Variants in TMPRSS5 observed in about 807,000 individuals in gnomAD.
The protein encoded by TMPRSS5 is transmembrane serine protease 5.
TMPRSS5 carries 45 observed loss-of-function variants against 59.7 expected under a neutral mutation model. That is an observed-to-expected ratio of 0.75 (90% CI 0.59 to 0.97). The LOEUF (loss-of-function observed/expected upper bound fraction) is 0.97. Ranked by LOEUF, TMPRSS5 falls within the 50% of genes least tolerant of loss-of-function variation. TMPRSS5 has a pLI of 0.00. For synonymous variants in TMPRSS5, 225 were observed against 232.0 expected (o/e 0.97, Z 0.27); for missense variants, 585 against 596.7 (o/e 0.98, Z 0.20).
At chr11:113,691,020 G>C in intron 9 of TMPRSS5, 81 bp from the exon 10 acceptor site, 1 of 1,302,628 alleles carries the variant, frequency 7.7e-7, no homozygotes, top group Non-Finnish European at 1.1e-6. Context: ...ACCCAGGACT[G>C]GCAAGTCCTC....
At chr11:113,702,514 A>C (rs1953168835) in intron 1 of TMPRSS5, among the ~76,000 whole-genome samples, 1 of 152,230 alleles carries the variant, frequency 6.6e-6, no homozygotes, top group Non-Finnish European at 1.5e-5. Context: ...TTTTCTGAGG[A>C]GAAATTCCAG....
chr11:113,695,506 A>T, intron 6 of TMPRSS5, 63 bp from the exon 7 acceptor site: 3 of 1,554,050 alleles, frequency 1.9e-6, no homozygotes, highest in Non-Finnish European at 2.7e-6. Context: ...CACACATCCA[A>T]GGACGTGAAG....
chr11:113,699,201 TTGTCTGTCTG>T (rs1953019509), intron 3 of TMPRSS5, among the ~76,000 whole-genome samples, 174 bp from the exon 4 acceptor site: 1 of 63,852 alleles, frequency 1.6e-5, no homozygotes, highest in Non-Finnish European at 3.0e-5. Context: ...TGACTCTCCT[TTGTCTGTCTG>T]TCTCTCTCTC....
chr11:113,695,457 G>T lies in TMPRSS5; in HGVS notation c.579-14C>A. The T allele has an allele frequency of 6.2e-7, 1 of 1,613,842 alleles. No individual in the cohort carries two copies. The highest frequency in any genetic ancestry group is 1.6e-4 in the Middle Eastern group (1 of 6,062). On this transcript the variant is annotated splice_polypyrimidine_tract_variant and intron_variant, in intron 6 of 12. Coordinates refer to ENST00000299882, the MANE Select transcript of TMPRSS5 (RefSeq NM_030770.4). The stretch of plus-strand genomic sequence containing the variant: ...GTGCAGTTGTTCCTGCAAAACAGAG[G>T]TACCAACAAGAAGCTGGGCAGGGGC...
At position 113,700,069 on chromosome 11, in the gene TMPRSS5, G is replaced by A. The variant is rs1302164653; in HGVS notation, c.103C>T (p.Pro35Ser). 2 of 1,563,372 alleles carry A rather than the reference G, an allele frequency of 1.3e-6. No homozygotes were observed. Among genetic ancestry groups the A allele is most frequent in the Non-Finnish European group, 1.7e-6 (2 of 1,153,458 alleles). ...FRAEPGDQQH[P>S]ISQAVCWRSM... ...CCTATGGCCCAGTCTGGCCTACTGG[G>A]ATGCTGCTGGTCTCCAGGCTCTGCT... is the stretch of plus-strand genomic sequence containing the variant. Residue 35 changes from proline (P) to serine (S), a missense_variant, in exon 2 of 13, where the codon CCC becomes TCC. By Grantham distance (74) the Pro-to-Ser change is moderately conservative. Transcript: ENST00000299882.
At chr11:113,699,715 T>C (rs1591387717) in intron 2 of TMPRSS5, 22 bp from the exon 3 acceptor site, 2 of 1,552,044 alleles carry the variant, frequency 1.3e-6, no homozygotes, top group Non-Finnish European at 8.7e-7. Flanking sequence ...GGCAGAGGGG[T>C]ATCTGGGTCC....
Position 113,689,808 on chromosome 11 carries a change from G to A in TMPRSS5, c.1316C>T (p.Ala439Val). Residue 439 changes from alanine (A) to valine (V), a missense_variant, in exon 12 of 13, where the codon GCC (alanine) becomes GTC (valine). Physicochemically the swap from Ala to Val is moderately conservative, Grantham distance 64. Transcript: ENST00000299882. ...CCAGTCCAGAAACTCAGCTACCTTG[G>A]CGTAGACACCTGGGTGATTGGGCTC... ...CAEPNHPGVY[A>V]KVAEFLDWIH... 1 of 1,607,870 alleles carries A rather than the reference G, an allele frequency of 6.2e-7. No homozygotes were observed. Among genetic ancestry groups the A allele is most frequent in the Non-Finnish European group, 8.5e-7 (1 of 1,177,416 alleles).
intron 3 of TMPRSS5, 109 bp from the exon 4 acceptor site, chr11:113,699,136 G>A (rs1953017026): frequency 8.2e-7 from 1 of 1,212,872 alleles, no homozygotes; most frequent in African/African-American, 1.5e-5. Flanking sequence ...CCAACCTGCT[G>A]AGGAGGGGCA....
chr11:113,694,550 C>T lies in TMPRSS5; in HGVS notation c.713G>A (p.Gly238Asp), dbSNP rs745441384. 1.9e-6 allele frequency: 3 copies of T among 1,554,330 alleles called. No homozygotes were observed. The Admixed American group carries it at 5.8e-5, about 30-fold the overall frequency. Residue 238 changes from glycine to aspartate, a missense_variant, in exon 8 of 13, where the codon GGC (glycine) becomes GAC (aspartate). Transcript: ENST00000299882. The stretch of plus-strand genomic sequence containing the variant: ...AGAGCCCCCACACGTGTGCCGGAAG[C>T]CCAGGGCCACGCTGGCCTGCCACGG... ...RWPWQASVALGFRHTCGGSVL... is the reference protein window; with the variant it reads ...RWPWQASVALDFRHTCGGSVL...
In TMPRSS5 at chr11:113,700,108, G is replaced by A; in HGVS notation, c.64C>T (p.Pro22Ser). The A allele has an allele frequency of 6.3e-7, 1 of 1,582,828 alleles. No individual in the cohort carries two copies. Among genetic ancestry groups the A allele is most frequent in the Non-Finnish European group, 8.6e-7 (1 of 1,163,624 alleles). Reference sequence around the variant, plus strand: ...CCAGGCTCTGCTCTGAAGATCCCAGGTCCTGGGCCCTCCTCTGCATACTGG... The same window carrying A: ...CCAGGCTCTGCTCTGAAGATCCCAGATCCTGGGCCCTCCTCTGCATACTGG... ...EAQYAEEGPGPGIFRAEPGDQ... is the reference protein window; with the variant it reads ...EAQYAEEGPGSGIFRAEPGDQ... Residue 22 changes from proline (P) to serine (S), a missense_variant, in exon 2 of 13, where the codon CCT becomes TCT. Transcript: ENST00000299882.
chr11:113,698,656 C>T (rs1328333114), intron 4 of TMPRSS5, among the ~76,000 whole-genome samples: 6 of 152,356 alleles, frequency 3.9e-5, no homozygotes, highest in Admixed American at 3.9e-4. Flanking sequence ...GGCAAGTTTC[C>T]ATCCCTCCTG....
rs562633239 is a variant in TMPRSS5 at position 113,699,496 on chromosome 11, T to C, written c.205+99A>G. The C allele has an allele frequency of 4.1e-6, 4 of 975,714 alleles. No homozygotes were observed. In the Admixed American group the frequency reaches 7.0e-5, roughly 17 times the overall value. The allele number at this position is 975,714 out of a possible 1,614,324, so 60.4% of individuals were successfully genotyped here. A position where few individuals can be genotyped will look rare whatever the true frequency, so the allele number is the denominator to read the frequency against. ...TTCTCCCCTTGTCTGCACAGAGTAG[T>C]TGAGGAAGACAGTTGTCCCATTTAC... On this transcript the variant is annotated intron_variant, in intron 3 of 12. Coordinates refer to ENST00000299882, the MANE Select transcript of TMPRSS5 (RefSeq NM_030770.4).
Position 113,706,087 on chromosome 11 carries a change from G to A in TMPRSS5, c.3+135C>T, listed in dbSNP as rs147496628. 6,523 of 1,040,078 alleles carry A rather than the reference G, an allele frequency of 6.3e-3. 31 individuals carry two copies. Among genetic ancestry groups the A allele is most frequent in the Non-Finnish European group, 8.0e-3 (5,558 of 698,184 alleles). The allele number at this position is 1,040,078 out of a possible 1,614,324, so 64.4% of individuals were successfully genotyped here. A position where few individuals can be genotyped will look rare whatever the true frequency, so the allele number is the denominator to read the frequency against. ...AGGAAATTGGCCACACAGGGCCCCT[G>A]CTAGGATCCAGCCCCTGTACCAGAG... On this transcript the variant is annotated intron_variant, in intron 1 of 12. Coordinates refer to ENST00000299882, the MANE Select transcript of TMPRSS5 (RefSeq NM_030770.4).
intron 9 of TMPRSS5, 102 bp downstream of exon 9, chr11:113,692,969 G>T (rs1952823652): frequency 1.7e-6 from 2 of 1,211,440 alleles, no homozygotes; most frequent in Non-Finnish European, 2.3e-6. Flanking sequence ...GGTTTACAGT[G>T]TTCAGAGGAA....
intron 11 of TMPRSS5, 109 bp downstream of exon 11, chr11:113,690,105 TCTAGAGAGGCTGTCTCA>T: frequency 7.3e-7 from 1 of 1,367,522 alleles, no homozygotes; most frequent in African/African-American, 1.5e-5. Context: ...TGCCCCTCCT[TCTAGAGAGGCTGTCTCA>T]CACCACTGAC....
At position 113,688,287 on chromosome 11, in the gene TMPRSS5, G is replaced by A; in HGVS notation, c.1360-13C>T. The A allele has an allele frequency of 1.3e-6, 2 of 1,554,432 alleles. No homozygotes were observed. The highest frequency in any genetic ancestry group is 1.8e-6 in the Non-Finnish European group (2 of 1,141,228). On this transcript the variant is annotated splice_polypyrimidine_tract_variant and intron_variant, in intron 12 of 12. Coordinates refer to ENST00000299882, the MANE Select transcript of TMPRSS5 (RefSeq NM_030770.4). Reference sequence around the variant, plus strand: ...AGAGGAGGGAGTCCTAGACCAAAAGGGAAAGGAACTGATTCACAGCATGGC... The same window carrying A: ...AGAGGAGGGAGTCCTAGACCAAAAGAGAAAGGAACTGATTCACAGCATGGC...
chr11:113,700,289 C>T, intron 1 of TMPRSS5, 121 bp from the exon 2 acceptor site: 1 of 918,602 alleles, frequency 1.1e-6, no homozygotes, highest in Non-Finnish European at 1.6e-6. Context: ...ACTTGTAAAC[C>T]TCTACTCATC....
At position 113,689,747 on chromosome 11, in the gene TMPRSS5, T is replaced by G; in HGVS notation, c.1359+18A>C. The G allele has an allele frequency of 6.2e-7, 1 of 1,606,278 alleles. No homozygotes were observed. On this transcript the variant is annotated intron_variant, in intron 12 of 12. Transcript: ENST00000299882. ...TCCTTTAGAAATCTCCCTGCCCTAC[T>G]CCTGCCCCCACACTCACCTGAGCAG...
chr11:113,694,638 ACT>A lies in TMPRSS5; in HGVS notation c.623_624del (p.Glu208ValfsTer98), dbSNP rs1409439143. On this transcript the variant is annotated frameshift_variant and splice_region_variant, in exon 8 of 13. Transcript: ENST00000299882. LOFTEE classifies it high-confidence loss of function. ...SGQVVSLRCS[E>X]CGARPLASRI... ...CGGGAAGCCAGGGGCCTCGCTCCAC[ACT>A]CTGCCAACAGAGATGGGTGAGATAG... is the stretch of plus-strand genomic sequence containing the variant. 3.9e-6 allele frequency: 6 copies of A among 1,544,672 alleles called. No individual in the cohort carries two copies. In the South Asian group the frequency reaches 7.2e-5, roughly 19 times the overall value.
Sources: gnomAD v4.1 joint callset for allele counts (sites outside exome capture counted in the v4.1 genomes callset) on GRCh38, gnomAD v4.1.1 for gene constraint, MANE v1.5 for transcripts, NCBI Gene and HGNC (gene_info 2026-07-23, HGNC 2026-07-21) for gene names.